The following YWHAQ variants were observed in gnomAD, a reference collection of about 807,000 sequenced individuals.
The protein encoded by YWHAQ is 14-3-3 protein theta.
A neutral mutation model predicts 28.3 loss-of-function variants in YWHAQ; 6 were observed. The observed-to-expected ratio is 0.21, with a 90% CI of 0.12 to 0.42. YWHAQ has a LOEUF of 0.42. Among genes scored for constraint, YWHAQ ranks in the 10% least tolerant of loss-of-function variants. YWHAQ has a pLI of 1.00. For synonymous variants in YWHAQ, 143 were observed against 119.1 expected (o/e 1.20, Z -1.31); for missense variants, 201 against 305.6 (o/e 0.66, Z 2.55).
intron 2 of YWHAQ, among the ~76,000 whole-genome samples, chr2:9,618,133 T>C (rs1346398212): frequency 1.3e-5 from 2 of 152,132 alleles, no homozygotes; most frequent in Admixed American, 6.6e-5. Context: ...TGACTATTAA[T>C]GGATATAGAA....
chr2:9,599,204 A>G (rs915765782), intron 2 of YWHAQ, among the ~76,000 whole-genome samples: 4 of 152,224 alleles, frequency 2.6e-5, no homozygotes, highest in African/African-American at 7.2e-5. Context: ...AGGAAGCTGC[A>G]TAAGAAAAAT....
chr2:9,599,569 C>T (rs1558544042), intron 2 of YWHAQ, among the ~76,000 whole-genome samples: 1 of 152,180 alleles, frequency 6.6e-6, no homozygotes, highest in South Asian at 2.1e-4. Context: ...TAAATCTACT[C>T]TGCCTGCACT....
chr2:9,584,015 A>C lies in YWHAQ; in HGVS notation c.*1271T>G, dbSNP rs940622385. 6.6e-6 allele frequency: 1 copy of C among 152,230 alleles called. No homozygotes were observed. Among genetic ancestry groups the C allele is most frequent in the East Asian group, 1.9e-4 (1 of 5,200 alleles). 9.4% of individuals were successfully genotyped at this position (152,230 alleles called of 1,614,324 possible). A position where few individuals can be genotyped will look rare whatever the true frequency, so the allele number is the denominator to read the frequency against. The stretch of plus-strand genomic sequence containing the variant: ...TCCACTTTATTCCATATAACACTTA[A>C]CCAGATATCATTTACATCTGAGGAA... On this transcript the variant is annotated 3_prime_UTR_variant, in exon 6 of 6. Transcript: ENST00000238081.
chr2:9,616,539 T>A, intron 2 of YWHAQ, among the ~76,000 whole-genome samples: 1 of 147,322 alleles, frequency 6.8e-6, no homozygotes, highest in Non-Finnish European at 1.5e-5. Flanking sequence ...CATTTGCAAA[T>A]CATCTATCTG....
intron 2 of YWHAQ, among the ~76,000 whole-genome samples, chr2:9,617,024 G>A (rs1243165996): frequency 6.6e-6 from 1 of 152,036 alleles, no homozygotes; most frequent in Non-Finnish European, 1.5e-5. Flanking sequence ...GCAGTGGAGT[G>A]ATCTCGGCTC....
intron 2 of YWHAQ, among the ~76,000 whole-genome samples, chr2:9,614,675 G>A (rs940916512): frequency 3.3e-5 from 5 of 152,186 alleles, no homozygotes; most frequent in Admixed American, 3.3e-4. Context: ...GTTTATACTA[G>A]CAAGGACACA....
At chr2:9,597,583 G>A (rs1397950693) in intron 2 of YWHAQ, among the ~76,000 whole-genome samples, 4 of 142,684 alleles carry the variant, frequency 2.8e-5, no homozygotes, top group Non-Finnish European at 6.0e-5. Context: ...AAGGCAGAGG[G>A]TTGCAGTGAG....
At chr2:9,587,809 T>C (rs547234240) in intron 4 of YWHAQ, among the ~76,000 whole-genome samples, 1 of 152,232 alleles carries the variant, frequency 6.6e-6, no homozygotes, top group East Asian at 1.9e-4. Flanking sequence ...AGGGTCCTCT[T>C]TATTCTCTCG....
Position 9,630,017 on chromosome 2 carries a change from G to A in YWHAQ, c.294+142C>T. 1 of 1,057,138 alleles carries A rather than the reference G, an allele frequency of 9.5e-7. No homozygotes were observed. Among genetic ancestry groups the A allele is most frequent in the Non-Finnish European group, 1.3e-6 (1 of 742,502 alleles). 65.5% of individuals were successfully genotyped at this position (1,057,138 alleles called of 1,614,324 possible). ...CTCAACAACCGGAGGGACACAGTAG[G>A]GAAGTCAGGGCTCACCTAAAACCCT... On this transcript the variant is annotated intron_variant, in intron 2 of 5. Transcript: ENST00000238081. The surrounding 1 kb of genome is among the most constrained non-coding windows in gnomAD (Gnocchi z 5.6).
At chr2:9,596,490 C>T (rs1249925958) in intron 2 of YWHAQ, among the ~76,000 whole-genome samples, 3 of 152,078 alleles carry the variant, frequency 2.0e-5, no homozygotes, top group African/African-American at 7.2e-5. Flanking sequence ...AAAATACACG[C>T]AAAATAACAG....
intron 2 of YWHAQ, among the ~76,000 whole-genome samples, chr2:9,621,778 G>C (rs1667146940): frequency 6.6e-6 from 1 of 151,990 alleles, no homozygotes; most frequent in Non-Finnish European, 1.5e-5. Context: ...CAAAGACTTG[G>C]AACCAACCCA....
chr2:9,593,955 C>A (rs2125063823), intron 2 of YWHAQ, among the ~76,000 whole-genome samples: 1 of 134,920 alleles, frequency 7.4e-6, no homozygotes, highest in Non-Finnish European at 1.6e-5. Flanking sequence ...TTTTTAAGGG[C>A]CTGAGGCCAG....
intron 2 of YWHAQ, among the ~76,000 whole-genome samples, chr2:9,601,488 ATAT>A (rs1377490664): frequency 6.6e-6 from 1 of 152,200 alleles, no homozygotes; most frequent in East Asian, 1.9e-4. Context: ...CAAACAAAAA[ATAT>A]TATAATTCAA....
chr2:9,617,367 T>G lies in YWHAQ; in HGVS notation c.294+12792A>C, dbSNP rs572511044. 4.6e-5 allele frequency among the ~76,000 whole-genome samples: 7 copies of G among 152,244 alleles called. No individual in the cohort carries two copies. The South Asian group carries it at 1.4e-3, about 32-fold the overall frequency. Reference sequence around the variant, plus strand: ...AAACATTATGCAAAATGAAATAAGCTAGACACAAAAAGACAACTATTCTAT... The same window carrying G: ...AAACATTATGCAAAATGAAATAAGCGAGACACAAAAAGACAACTATTCTAT... On this transcript the variant is annotated intron_variant, in intron 2 of 5. Coordinates refer to ENST00000238081, the MANE Select transcript of YWHAQ (RefSeq NM_006826.4).
intron 2 of YWHAQ, among the ~76,000 whole-genome samples, chr2:9,604,945 T>C (rs1230795566): frequency 2.0e-5 from 3 of 152,196 alleles, no homozygotes; most frequent in Non-Finnish European, 4.4e-5. Context: ...GACTCATTAT[T>C]TGTCAAATGA....
chr2:9,622,719 C>G (rs1180725272), intron 2 of YWHAQ, among the ~76,000 whole-genome samples: 1 of 152,178 alleles, frequency 6.6e-6, no homozygotes. Flanking sequence ...CATCTGTATT[C>G]CCCCAATTAC....
intron 2 of YWHAQ, among the ~76,000 whole-genome samples, chr2:9,600,608 A>C (rs1230656439): frequency 6.6e-6 from 1 of 152,058 alleles, no homozygotes; most frequent in Non-Finnish European, 1.5e-5. Context: ...GGGAGGCTAA[A>C]GAAGGAGAAT....
intron 2 of YWHAQ, among the ~76,000 whole-genome samples, chr2:9,599,868 C>T (rs530501185): frequency 9.5e-4 from 144 of 152,140 alleles, no homozygotes; most frequent in Middle Eastern, 3.4e-3. Flanking sequence ...AAATACATTT[C>T]GTAAGGCCAT....
At chr2:9,612,067 T>G (rs1572999823) in intron 2 of YWHAQ, among the ~76,000 whole-genome samples, 1 of 152,340 alleles carries the variant, frequency 6.6e-6, no homozygotes, top group East Asian at 1.9e-4. Flanking sequence ...GAGTTTTCAC[T>G]CTCCATTTCC....
Sources: gnomAD v4.1 joint callset for allele counts (sites outside exome capture counted in the v4.1 genomes callset) on GRCh38, gnomAD v4.1.1 for gene constraint, Gnocchi (gnomAD v3.1) non-coding constraint, MANE v1.5 for transcripts, NCBI Gene and HGNC (gene_info 2026-07-23, HGNC 2026-07-21) for gene names.